MICU1: variants seen among roughly 807,000 people sequenced by gnomAD.
MICU1 encodes the protein calcium uptake protein 1, mitochondrial.
MICU1 carries 45 observed loss-of-function variants against 56.8 expected under a neutral mutation model. The ratio of observed to expected loss-of-function variants is 0.79; its 90% CI spans 0.62 to 1.02. The LOEUF is 1.02. Among genes scored for constraint, MICU1 ranks in the 50% least tolerant of loss-of-function variants. The pLI, the probability that MICU1 is intolerant of heterozygous loss-of-function variation, is 0.00. For missense variants in MICU1, 504 were observed against 587.1 expected, an observed-to-expected ratio of 0.86 and a Z score of 1.46; for synonymous variants, 186 against 195.1, an observed-to-expected ratio of 0.95 and a Z score of 0.39.
chr10:72,395,365 G>A (rs1461045432), intron 10 of MICU1, among the ~76,000 whole-genome samples: 4 of 152,252 alleles, frequency 2.6e-5, no homozygotes, highest in South Asian at 2.1e-4. Context: ...CAGTGTGATC[G>A]ACACAGAAGA....
intron 4 of MICU1, among the ~76,000 whole-genome samples, chr10:72,540,511 CA>C (rs1007691142): frequency 4.0e-5 from 6 of 148,446 alleles, no homozygotes; most frequent in Admixed American, 6.8e-5. Context: ...CTTGTCTCTA[CA>C]AAAAAAAAAT....
At chr10:72,595,541 A>T (rs1403823642) in intron 1 of MICU1, among the ~76,000 whole-genome samples, 1 of 152,048 alleles carries the variant, frequency 6.6e-6, no homozygotes, top group African/African-American at 2.4e-5. Context: ...CAAAATGATA[A>T]GCAGAAATAC....
chr10:72,418,899 A>C (rs1208958305), intron 9 of MICU1, among the ~76,000 whole-genome samples: 1 of 152,238 alleles, frequency 6.6e-6, no homozygotes, highest in Non-Finnish European at 1.5e-5. Context: ...TCAACATGAG[A>C]GGACAATCAA....
intron 6 of MICU1, among the ~76,000 whole-genome samples, chr10:72,507,902 G>A (rs867149776): frequency 5.0e-4 from 76 of 152,168 alleles, no homozygotes; most frequent in Admixed American, 4.9e-3. Context: ...ACAAGTGTGA[G>A]CCACTGTGCC....
rs146206996 is a variant in MICU1 at position 72,430,808 on chromosome 10, C to T, written c.934-7437G>A. On this transcript the variant is annotated intron_variant, in intron 8 of 11. Transcript: ENST00000361114. Reference sequence around the variant, plus strand: ...CTCCTGACCTCAGGTGATCCGCCAGCCTCAGCCTCCCAAAGTGCTGGGATT... The same window carrying T: ...CTCCTGACCTCAGGTGATCCGCCAGTCTCAGCCTCCCAAAGTGCTGGGATT... Among the ~76,000 whole-genome samples, 426 of 152,310 alleles carry T rather than the reference C, an allele frequency of 2.8e-3. 3 individuals are homozygous for T. Among genetic ancestry groups the T allele is most frequent in the African/African-American group, 9.7e-3 (403 of 41,564 alleles).
intron 8 of MICU1, among the ~76,000 whole-genome samples, chr10:72,451,617 A>G (rs1865302404): frequency 6.6e-6 from 1 of 151,266 alleles, no homozygotes; most frequent in Non-Finnish European, 1.5e-5. Context: ...ATCATAGCTC[A>G]CTGCAGCCTT....
At chr10:72,533,619 C>A in intron 5 of MICU1, 127 bp downstream of exon 5, 1 of 662,900 alleles carries the variant, frequency 1.5e-6, no homozygotes, top group South Asian at 2.3e-5. Flanking sequence ...GACCCCCTAA[C>A]CTAAGCATGC....
At chr10:72,395,406 T>C (rs745935270) in intron 10 of MICU1, among the ~76,000 whole-genome samples, 1 of 152,156 alleles carries the variant, frequency 6.6e-6, no homozygotes, top group Non-Finnish European at 1.5e-5. Context: ...AATTGAGGTA[T>C]CTGGTTCATC....
intron 1 of MICU1, among the ~76,000 whole-genome samples, chr10:72,594,348 A>C (rs930471581): frequency 6.6e-6 from 1 of 152,192 alleles, no homozygotes; most frequent in African/African-American, 2.4e-5. Context: ...CTGGGTATCT[A>C]GATGCAAAAG....
intron 1 of MICU1, among the ~76,000 whole-genome samples, chr10:72,606,008 G>A (rs1216503138): frequency 1.3e-5 from 2 of 151,892 alleles, no homozygotes; most frequent in African/African-American, 4.8e-5. Context: ...GCGCATGCCT[G>A]TAGTCCCAGC....
intron 8 of MICU1, among the ~76,000 whole-genome samples, chr10:72,453,163 T>C (rs1865350299): frequency 6.6e-6 from 1 of 152,202 alleles, no homozygotes; most frequent in African/African-American, 2.4e-5. Context: ...TTATTTTTCT[T>C]TGGCAGAAAT....
chr10:72,535,006 T>TTTATTTTATTTTA (rs879632875), intron 4 of MICU1, among the ~76,000 whole-genome samples: 12 of 87,336 alleles, frequency 1.4e-4, no homozygotes, highest in African/African-American at 4.8e-4. Context: ...TCCCTCTATT[T>TTTATTTTATTTTA]TTTATTTTAT....
chr10:72,508,822 T>C (rs1196629672), intron 5 of MICU1, among the ~76,000 whole-genome samples: 1 of 152,198 alleles, frequency 6.6e-6, no homozygotes, highest in East Asian at 1.9e-4. Flanking sequence ...GCAGAGTGAA[T>C]AGCATCTCTG....
intron 10 of MICU1, among the ~76,000 whole-genome samples, chr10:72,390,849 C>T (rs572335341): frequency 6.6e-6 from 1 of 152,256 alleles, no homozygotes; most frequent in African/African-American, 2.4e-5. Flanking sequence ...ACTGCTTCTA[C>T]ACTTATCTTT....
chr10:72,593,478 C>T (rs1010740143), intron 1 of MICU1, among the ~76,000 whole-genome samples: 3 of 150,060 alleles, frequency 2.0e-5, no homozygotes, highest in Non-Finnish European at 4.4e-5. Context: ...GAGCCAAGAT[C>T]GTGCTACTGT....
chr10:72,567,375 T>C (rs1020981573), intron 1 of MICU1, among the ~76,000 whole-genome samples: 1 of 152,000 alleles, frequency 6.6e-6, no homozygotes, highest in South Asian at 2.1e-4. Flanking sequence ...AACAGGAAAT[T>C]TACTACTCAG....
intron 3 of MICU1, among the ~76,000 whole-genome samples, chr10:72,556,648 C>T (rs1294708307): frequency 6.6e-6 from 1 of 151,976 alleles, no homozygotes; most frequent in Non-Finnish European, 1.5e-5. Context: ...CCCATAGTAA[C>T]GTTCTTAACT....
chr10:72,411,631 A>G (rs1243006238), intron 9 of MICU1, among the ~76,000 whole-genome samples: 1 of 152,072 alleles, frequency 6.6e-6, no homozygotes, highest in Non-Finnish European at 1.5e-5. Context: ...TTAAGGTATA[A>G]AATCCTGTAG....
intron 1 of MICU1, among the ~76,000 whole-genome samples, chr10:72,609,500 C>T (rs1347538614): frequency 5.9e-5 from 9 of 151,944 alleles, no homozygotes; most frequent in African/African-American, 1.2e-4. Context: ...TTTGGGAGGC[C>T]GAGGCGGGCA....
Sources: gnomAD v4.1 joint callset for allele counts (sites outside exome capture counted in the v4.1 genomes callset) on GRCh38, gnomAD v4.1.1 for gene constraint, MANE v1.5 for transcripts, NCBI Gene and HGNC (gene_info 2026-07-23, HGNC 2026-07-21) for gene names.